The following AGBL1 variants were observed in gnomAD, a reference collection of about 807,000 sequenced individuals.
AGBL1 encodes AGBL carboxypeptidase 1, also known as cytosolic carboxypeptidase 4.
In AGBL1, 130 loss-of-function variants were observed where a neutral mutation model predicts 118.9. The ratio of observed to expected loss-of-function variants is 1.09; its 90% CI spans 0.95 to 1.26. The LOEUF is 1.26. Among genes scored for constraint, AGBL1 ranks in the 50% most tolerant of loss-of-function variants. The pLI is 0.00. For missense variants in AGBL1, 1,584 were observed against 1,298.1 expected (o/e 1.22, Z -3.38); for synonymous variants, 555 against 478.9 (o/e 1.16, Z -2.08).
intron 18 of AGBL1, among the ~76,000 whole-genome samples, chr15:86,490,587 T>C (rs2082765962): frequency 1.3e-5 from 2 of 152,140 alleles, no homozygotes; most frequent in Admixed American, 6.6e-5. Flanking sequence ...ACAATACCAA[T>C]GTTCTAGAAC....
At chr15:86,413,402 C>G (rs77234373) in intron 18 of AGBL1, among the ~76,000 whole-genome samples, 6 of 152,050 alleles carry the variant, frequency 3.9e-5, no homozygotes, top group Non-Finnish European at 7.4e-5. Flanking sequence ...AGACAGATAA[C>G]GCAGGATTGA....
At chr15:86,385,061 G>A (rs1173508294) in intron 17 of AGBL1, among the ~76,000 whole-genome samples, 1 of 152,068 alleles carries the variant, frequency 6.6e-6, no homozygotes, top group African/African-American at 2.4e-5. Context: ...AGCCTCCTGA[G>A]GCTATTGAGT....
intron 22 of AGBL1, among the ~76,000 whole-genome samples, chr15:86,802,831 G>T (rs953877662): frequency 1.7e-4 from 26 of 152,092 alleles, no homozygotes; most frequent in Admixed American, 1.5e-3. Flanking sequence ...ATTACTTTAC[G>T]TTGCAATTGT....
At chr15:86,785,935 A>T (rs1339041996) in intron 22 of AGBL1, among the ~76,000 whole-genome samples, 1 of 152,080 alleles carries the variant, frequency 6.6e-6, no homozygotes, top group Non-Finnish European at 1.5e-5. Context: ...ATGACTGGAG[A>T]TGGGAAGTGA....
intron 18 of AGBL1, among the ~76,000 whole-genome samples, chr15:86,410,807 G>GAGATATATATATATATAT (rs1187690696): frequency 2.5e-5 from 1 of 40,398 alleles, no homozygotes; most frequent in African/African-American, 1.0e-4. Context: ...GTCAAATGTA[G>GAGATATATATATATATAT]ATATATATAT....
chr15:86,208,252 G>A (rs1393853029), intron 5 of AGBL1, among the ~76,000 whole-genome samples: 4 of 152,166 alleles, frequency 2.6e-5, no homozygotes, highest in South Asian at 2.1e-4. Context: ...TTGCATCGAT[G>A]TTCATCAGGG....
chr15:86,513,370 T>C (rs1325387491), intron 18 of AGBL1, among the ~76,000 whole-genome samples: 1 of 152,026 alleles, frequency 6.6e-6, no homozygotes, highest in East Asian at 1.9e-4. Context: ...GGCAAGGTTG[T>C]CACACAGGTG....
intron 18 of AGBL1, among the ~76,000 whole-genome samples, chr15:86,466,288 A>G (rs531156524): frequency 1.3e-5 from 2 of 152,038 alleles, no homozygotes; most frequent in East Asian, 3.9e-4. Flanking sequence ...CGATTTGTCT[A>G]TTGATACTTG....
Position 86,706,441 on chromosome 15 carries a change from T to C in AGBL1, c.3158+32005T>C, listed in dbSNP as rs1445581381. On this transcript the variant is annotated intron_variant, in intron 22 of 22. Coordinates refer to ENST00000614907, the MANE Select transcript of AGBL1 (RefSeq NM_001386094.1). ...GGGGATAAATTTGAAATGCCAGTCT[T>C]TTGAGTTTGATTATAGCACTTAATT... Among the ~76,000 whole-genome samples, 3 of 152,096 alleles carry C rather than the reference T, an allele frequency of 2.0e-5. No individual in the cohort carries two copies. The East Asian group carries it at 5.8e-4, about 29-fold the overall frequency.
intron 1 of AGBL1, among the ~76,000 whole-genome samples, chr15:86,127,921 A>G (rs1411883604): frequency 6.6e-6 from 1 of 152,214 alleles, no homozygotes; most frequent in African/African-American, 2.4e-5. Context: ...AACCACTTAG[A>G]GAAGCCCTGC....
chr15:86,562,666 T>G (rs1345147373), intron 21 of AGBL1, among the ~76,000 whole-genome samples: 3 of 152,194 alleles, frequency 2.0e-5, no homozygotes, highest in Non-Finnish European at 4.4e-5. Flanking sequence ...ATAAAATGAG[T>G]TAGGGAGGAT....
intron 23 of AGBL1, among the ~76,000 whole-genome samples, chr15:86,969,783 A>C (rs2081089203): frequency 6.6e-6 from 1 of 151,910 alleles, no homozygotes; most frequent in Admixed American, 6.6e-5. Context: ...AATAGAATGA[A>C]ATTCTCTCAT....
chr15:86,537,040 C>A (rs983862590), intron 19 of AGBL1, among the ~76,000 whole-genome samples: 1 of 152,220 alleles, frequency 6.6e-6, no homozygotes, highest in African/African-American at 2.4e-5. Flanking sequence ...TTGCCCAGAG[C>A]AAAGCACAGT....
chr15:86,394,918 T>G (rs181505889), intron 17 of AGBL1, among the ~76,000 whole-genome samples: 1 of 152,260 alleles, frequency 6.6e-6, no homozygotes, highest in African/African-American at 2.4e-5. Context: ...ATGAAGCTAG[T>G]ATTTTAATAT....
At chr15:86,179,374 T>C (rs2077523035) in intron 5 of AGBL1, among the ~76,000 whole-genome samples, 1 of 152,244 alleles carries the variant, frequency 6.6e-6, no homozygotes, top group Admixed American at 6.5e-5. Flanking sequence ...GATCAAGTGA[T>C]ATTTGTTGCA....
intron 21 of AGBL1, among the ~76,000 whole-genome samples, chr15:86,614,676 G>A (rs374570981): frequency 1.8e-4 from 28 of 152,264 alleles, no homozygotes; most frequent in African/African-American, 6.7e-4. Context: ...CTTGTGAGCT[G>A]GCCTGAGCAG....
chr15:86,149,056 C>T (rs1026984545), intron 3 of AGBL1, among the ~76,000 whole-genome samples: 1 of 152,128 alleles, frequency 6.6e-6, no homozygotes, highest in African/African-American at 2.4e-5. Context: ...GAAATAAAAT[C>T]TTTTACAGAC....
chr15:86,620,091 T>C (rs1472234551), intron 21 of AGBL1, among the ~76,000 whole-genome samples: 1 of 152,238 alleles, frequency 6.6e-6, no homozygotes, highest in East Asian at 1.9e-4. Flanking sequence ...TCTCCAGTAA[T>C]ATCACTTATT....
rs116952806 is a variant in AGBL1, at chr15:86,280,424, C to A, written c.2220+641C>A. Among the ~76,000 whole-genome samples, 127 of 152,172 alleles carry A rather than the reference C, an allele frequency of 8.3e-4. No individual in the cohort carries two copies. The East Asian group carries it at 0.015, about 18-fold the overall frequency. ...TTAGCATTCCTGTGTACCATAAGGC[C>A]CTGCAAAAAGTTCACAAGACAATTG... On this transcript the variant is annotated intron_variant, in intron 16 of 22. Coordinates refer to ENST00000614907, the MANE Select transcript of AGBL1 (RefSeq NM_001386094.1).
Sources: gnomAD v4.1 joint callset for allele counts (sites outside exome capture counted in the v4.1 genomes callset) on GRCh38, gnomAD v4.1.1 for gene constraint, MANE v1.5 for transcripts, NCBI Gene and HGNC (gene_info 2026-07-23, HGNC 2026-07-21) for gene names.